The following FARP1 variants were observed in gnomAD, a reference collection of about 807,000 sequenced individuals.
The protein encoded by FARP1 is FERM, ARH/RhoGEF and pleckstrin domain protein 1, also known as FERM, ARHGEF and pleckstrin domain-containing protein 1.
In FARP1, 52 loss-of-function variants were observed where a neutral mutation model predicts 128.8. The ratio of observed to expected loss-of-function variants is 0.40; its 90% confidence interval spans 0.32 to 0.51. The LOEUF is 0.51. FARP1 is among the 20% of genes least tolerant of loss of function. The probability of loss-of-function intolerance (pLI) is 0.45; values close to 1 mark genes in which losing one functional copy is unlikely to be tolerated. For synonymous variants in FARP1, 580 were observed against 551.8 expected, an observed-to-expected ratio of 1.05 and a Z score of -0.72; for missense variants, 1,333 against 1,367.9, an observed-to-expected ratio of 0.97 and a Z score of 0.40.
intron 1 of FARP1, among the ~76,000 whole-genome samples, chr13:98,175,092 C>G (rs187653993): frequency 9.8e-4 from 150 of 152,286 alleles, no homozygotes; most frequent in Non-Finnish European, 1.9e-3. Flanking sequence ...TGACTTTTCA[C>G]TAACTGACTT....
intron 1 of FARP1, among the ~76,000 whole-genome samples, chr13:98,196,565 A>G (rs375664204): frequency 6.6e-6 from 1 of 152,360 alleles, no homozygotes; most frequent in East Asian, 1.9e-4. Flanking sequence ...TCCATGAATG[A>G]GAAACCTAAA....
At chr13:98,308,780 C>A (rs1886307178) in intron 2 of FARP1, among the ~76,000 whole-genome samples, 1 of 151,578 alleles carries the variant, frequency 6.6e-6, no homozygotes, top group Non-Finnish European at 1.5e-5. Flanking sequence ...GTGATCCTCC[C>A]GCTGCAGCCT....
intron 1 of FARP1, among the ~76,000 whole-genome samples, chr13:98,211,352 A>G (rs4772050): frequency 0.45 from 67,755 of 152,110 alleles, 17,693 homozygotes; most frequent in Non-Finnish European, 0.58. Context: ...GGAACTGCGC[A>G]TGCGAGGGAT....
chr13:98,266,688 A>G (rs9584784), intron 2 of FARP1, among the ~76,000 whole-genome samples: 64,700 of 152,010 alleles, frequency 0.43, 14,516 homozygotes, highest in African/African-American at 0.56. Context: ...TTCTTTAATT[A>G]TCAATAAGAC....
Position 98,446,818 on chromosome 13 carries a change from G to A in FARP1, c.3056+1G>A, listed in dbSNP as rs1180299179. On this transcript the variant is annotated splice_donor_variant, in intron 26 of 26. Coordinates refer to ENST00000319562, the MANE Select transcript of FARP1 (RefSeq NM_005766.4). LOFTEE classifies it high-confidence loss of function. Reference sequence around the variant, plus strand: ...CGGAAAGCGAGTACACGTTCGAAAGGTAGACACCCCCTTCCCACGCACAGG... The same window carrying A: ...CGGAAAGCGAGTACACGTTCGAAAGATAGACACCCCCTTCCCACGCACAGG... 1 of 1,613,872 alleles carries A rather than the reference G, an allele frequency of 6.2e-7. No individual in the cohort carries two copies. The highest frequency in any genetic ancestry group is 1.3e-5 in the African/African-American group (1 of 74,878).
chr13:98,362,990 A>G (rs1888934395), intron 3 of FARP1, among the ~76,000 whole-genome samples: 1 of 152,232 alleles, frequency 6.6e-6, no homozygotes, highest in Non-Finnish European at 1.5e-5. Context: ...CTGGTCCAAA[A>G]TACCGTCCTG....
chr13:98,441,328 A>T (rs1440106412), intron 24 of FARP1, among the ~76,000 whole-genome samples: 1 of 152,250 alleles, frequency 6.6e-6, no homozygotes, highest in Non-Finnish European at 1.5e-5. Context: ...AAGACAGGCT[A>T]ACAAGGGAAA....
chr13:98,403,867 A>C (rs1890869297), intron 13 of FARP1: 1 of 152,278 alleles, frequency 6.6e-6, no homozygotes, highest in Non-Finnish European at 1.5e-5. Context: ...TACTTGTCCT[A>C]ACAGGTATCA....
At chr13:98,186,567 T>A (rs1260682852) in intron 1 of FARP1, among the ~76,000 whole-genome samples, 2 of 152,220 alleles carry the variant, frequency 1.3e-5, no homozygotes, top group African/African-American at 4.8e-5. Flanking sequence ...GCATAATCTC[T>A]TCGTGCTTCA....
At chr13:98,152,797 G>T (rs1376538928) in intron 1 of FARP1, among the ~76,000 whole-genome samples, 1 of 152,122 alleles carries the variant, frequency 6.6e-6, no homozygotes, top group East Asian at 1.9e-4. Flanking sequence ...TCAAATCACT[G>T]TTAGAGATGA....
At chr13:98,256,963 A>ATATATATATG (rs1883641063) in intron 2 of FARP1, among the ~76,000 whole-genome samples, 1 of 119,572 alleles carries the variant, frequency 8.4e-6, no homozygotes, top group Non-Finnish European at 1.7e-5. Context: ...ATATATATAT[A>ATATATATATG]TATATATATA....
At chr13:98,162,120 G>A (rs1876930375) in intron 1 of FARP1, among the ~76,000 whole-genome samples, 1 of 152,086 alleles carries the variant, frequency 6.6e-6, no homozygotes, top group South Asian at 2.1e-4. Flanking sequence ...TTTCTCACTG[G>A]CACTTGGAGG....
At chr13:98,298,658 C>T (rs1158447507) in intron 2 of FARP1, among the ~76,000 whole-genome samples, 1 of 152,066 alleles carries the variant, frequency 6.6e-6, no homozygotes, top group Admixed American at 6.6e-5. Flanking sequence ...ATCTTTTCAT[C>T]AGCACTTCAT....
At chr13:98,240,247 G>A (rs944462493) in intron 2 of FARP1, among the ~76,000 whole-genome samples, 4 of 152,178 alleles carry the variant, frequency 2.6e-5, no homozygotes, top group East Asian at 1.9e-4. Context: ...AGGAACACGC[G>A]ATGACGAATG....
intron 2 of FARP1, among the ~76,000 whole-genome samples, chr13:98,291,422 C>G (rs1165158439): frequency 6.6e-6 from 1 of 152,126 alleles, no homozygotes; most frequent in Non-Finnish European, 1.5e-5. Flanking sequence ...GTAAATGGAT[C>G]CTCACAGTTC....
At chr13:98,244,668 T>C (rs1566787834) in intron 2 of FARP1, 2 of 1,614,212 alleles carry the variant, frequency 1.2e-6, no homozygotes, top group Admixed American at 1.7e-5. Context: ...AAGTAGAAGC[T>C]TAGCGGTCAC....
chr13:98,318,345 C>T (rs1390763881), intron 2 of FARP1, among the ~76,000 whole-genome samples: 1 of 152,124 alleles, frequency 6.6e-6, no homozygotes, highest in Admixed American at 6.5e-5. Flanking sequence ...GCATGAGCCA[C>T]CACTCCCGAC....
Position 98,390,837 on chromosome 13 carries a change from G to A in FARP1, c.1045G>A (p.Asp349Asn), listed in dbSNP as rs1330335017. ...FSGRTQKQVL[D>N]YVKEGGHKKV... ...TGGTCGGACTCAGAAGCAGGTTCTCGACTATGTTAAAGAAGGAGGACATAA... is the reference window on the plus strand; with the variant it reads ...TGGTCGGACTCAGAAGCAGGTTCTCAACTATGTTAAAGAAGGAGGACATAA... Residue 349 changes from aspartate (D) to asparagine (N), a missense_variant, in exon 11 of 27, where the codon GAC becomes AAC. Asp to Asn is a conservative substitution (Grantham distance 23). Coordinates refer to ENST00000319562, the MANE Select transcript of FARP1 (RefSeq NM_005766.4). 16 of 1,613,562 alleles carry A rather than the reference G, an allele frequency of 9.9e-6. No homozygotes were observed. The highest frequency in any genetic ancestry group is 1.4e-5 in the Non-Finnish European group (16 of 1,179,756).
intron 1 of FARP1, among the ~76,000 whole-genome samples, chr13:98,184,870 A>C (rs1170123606): frequency 6.6e-6 from 1 of 152,224 alleles, no homozygotes; most frequent in Non-Finnish European, 1.5e-5. Context: ...TTTATTGACA[A>C]GATACTTTGA....
Sources: gnomAD v4.1 joint callset for allele counts (sites outside exome capture counted in the v4.1 genomes callset) on GRCh38, gnomAD v4.1.1 for gene constraint, MANE v1.5 for transcripts, NCBI Gene and HGNC (gene_info 2026-07-23, HGNC 2026-07-21) for gene names.